The following ADI1 variants were observed in gnomAD, a reference collection of about 807,000 sequenced individuals.
ADI1 encodes acireductone dioxygenase 1.
In ADI1, 21 loss-of-function variants were observed where a neutral mutation model predicts 18.7. The ratio of observed to expected loss-of-function variants is 1.13; its 90% CI spans 0.80 to 1.62. The LOEUF (loss-of-function observed/expected upper bound fraction) is 1.62, where lower values mean the gene tolerates loss of function less well. ADI1 is among the 40% of genes most tolerant of loss of function. The probability of loss-of-function intolerance (pLI) is 0.00; values close to 1 mark genes in which losing one functional copy is unlikely to be tolerated. For synonymous variants in ADI1, 90 were observed against 100.1 expected, an observed-to-expected ratio of 0.90 and a Z score of 0.60; for missense variants, 245 against 254.9, an observed-to-expected ratio of 0.96 and a Z score of 0.26.
chr2:3,514,055 T>C, intron 1 of ADI1, 79 bp from the exon 2 acceptor site: 2 of 1,470,716 alleles, frequency 1.4e-6, no homozygotes, highest in East Asian at 2.3e-5. Context: ...GGATCTCCAA[T>C]ATGATTTTAT....
chr2:3,500,580 C>T (rs1265048720), intron 3 of ADI1: 6 of 617,048 alleles, frequency 9.7e-6, no homozygotes, highest in Non-Finnish European at 1.7e-5. Context: ...GTATGAAATG[C>T]ACACCTGTCC....
At chr2:3,518,852 G>C (rs1438375242) in intron 1 of ADI1, among the ~76,000 whole-genome samples, 1 of 152,206 alleles carries the variant, frequency 6.6e-6, no homozygotes, top group African/African-American at 2.4e-5. Context: ...AGCCCTGCCG[G>C]CCGACCCTTC....
At chr2:3,518,460 A>C (rs1572241618) in intron 1 of ADI1, among the ~76,000 whole-genome samples, 4 of 152,342 alleles carry the variant, frequency 2.6e-5, no homozygotes, top group Non-Finnish European at 5.9e-5. Flanking sequence ...ATTTGCAAAT[A>C]AACAAGGTGA....
At chr2:3,517,003 G>A in intron 1 of ADI1, 1 of 925,256 alleles carries the variant, frequency 1.1e-6, no homozygotes, top group Non-Finnish European at 1.3e-6. Flanking sequence ...TGGGATGACA[G>A]AAGCCACCAT....
rs1667367092 is a variant in ADI1 at position 3,514,930 on chromosome 2, C to A, written c.121-954G>T. 15 of 1,501,700 alleles carry A rather than the reference C, an allele frequency of 1.0e-5. No individual in the cohort carries two copies. In the South Asian group the frequency reaches 1.8e-4, roughly 18 times the overall value. The allele number at this position is 1,501,700 out of a possible 1,614,324, so 93.0% of individuals were successfully genotyped here. On this transcript the variant is annotated intron_variant, in intron 1 of 3. Transcript: ENST00000327435. ...GACATCTATCAGTTCTCAAATAATA[C>A]TTTTATAATTTATTATGCCTGTCTT...
At chr2:3,506,135 T>C (rs1048079357) in intron 2 of ADI1, among the ~76,000 whole-genome samples, 2 of 151,820 alleles carry the variant, frequency 1.3e-5, no homozygotes, top group Admixed American at 6.6e-5. Flanking sequence ...AAGGAGGGAG[T>C]CTGAGAAACG....
intron 2 of ADI1, 23 bp from the exon 3 acceptor site, chr2:3,501,016 G>A: frequency 6.4e-7 from 1 of 1,562,226 alleles, no homozygotes; most frequent in Non-Finnish European, 8.7e-7. Context: ...GAACATTCCT[G>A]TGAGTCTACC....
At chr2:3,500,616 G>C in intron 3 of ADI1, 198 bp downstream of exon 3, 2 of 705,090 alleles carry the variant, frequency 2.8e-6, no homozygotes, top group Non-Finnish European at 4.8e-6. Context: ...AGGGGCCACG[G>C]AGGCTGCCAC....
In ADI1 at chr2:3,513,882, T is replaced by C. The variant is rs995893112; in HGVS notation, c.215A>G (p.Asp72Gly). The C allele has an allele frequency of 6.8e-6, 11 of 1,605,852 alleles. No homozygotes were observed. Among genetic ancestry groups the C allele is most frequent in the Non-Finnish European group, 9.3e-6 (11 of 1,178,300 alleles). The change falls in exon 2 of 4, where the codon GAT (aspartate) becomes GGT (glycine). Residue 72 changes from aspartate (D) to glycine (G), a missense_variant. By Grantham distance (94) the Asp-to-Gly change is moderately conservative. Transcript: ENST00000327435. ...CTTTTCTTCATAATTTGGTAGTTTA[T>C]CTTTGCATATGGTTATGATGTCCAT... is the stretch of plus-strand genomic sequence containing the variant. ...SWMDIITICK[D>G]KLPNYEEKIK... is the part of the protein sequence containing the mutation.
chr2:3,509,523 A>G (rs929184282), intron 2 of ADI1, among the ~76,000 whole-genome samples: 2 of 152,228 alleles, frequency 1.3e-5, no homozygotes, highest in African/African-American at 4.8e-5. Flanking sequence ...AAAAAAATCT[A>G]GAAAAATCCT....
intron 3 of ADI1, among the ~76,000 whole-genome samples, chr2:3,499,345 C>G (rs1195488367): frequency 2.0e-5 from 3 of 151,138 alleles, no homozygotes; most frequent in African/African-American, 7.4e-5. Context: ...CACCTCCGTG[C>G]TCTCTATAGA....
intron 2 of ADI1, among the ~76,000 whole-genome samples, chr2:3,502,876 G>A (rs924890348): frequency 4.6e-5 from 7 of 152,302 alleles, no homozygotes; most frequent in Admixed American, 3.9e-4. Flanking sequence ...GTGCTGCCAT[G>A]CTGATGCTGT....
rs890001700 is a variant in ADI1, at chr2:3,498,242, G to C, written c.*721C>G. The stretch of plus-strand genomic sequence containing the variant: ...AATCCTATCTCGGAATTGTTGAGTA[G>C]AAAATTTATGTACTAATACTCCTGT... On this transcript the variant is annotated 3_prime_UTR_variant, in exon 4 of 4. Coordinates refer to ENST00000327435, the MANE Select transcript of ADI1 (RefSeq NM_018269.4). The C allele has an allele frequency of 6.6e-6, 1 of 152,100 alleles. No individual in the cohort carries two copies. The highest frequency in any genetic ancestry group is 1.5e-5 in the Non-Finnish European group (1 of 68,026). The allele number at this position is 152,100 out of a possible 1,614,324, so 9.4% of individuals were successfully genotyped here. A position where few individuals can be genotyped will look rare whatever the true frequency, so the allele number is the denominator to read the frequency against.
intron 1 of ADI1, among the ~76,000 whole-genome samples, chr2:3,518,988 CA>C (rs913421301): frequency 1.3e-4 from 19 of 151,414 alleles, no homozygotes; most frequent in Admixed American, 1.1e-3. Flanking sequence ...CGCCGACCCC[CA>C]CCAGCCCCGC....
intron 2 of ADI1, among the ~76,000 whole-genome samples, chr2:3,511,996 CAA>C (rs1667303825): frequency 6.6e-6 from 1 of 152,216 alleles, no homozygotes; most frequent in South Asian, 2.1e-4. Context: ...TTCTAAGCAC[CAA>C]AGTGTTCAAG....
Position 3,519,386 on chromosome 2 carries a change from G to T in ADI1, c.102C>A (p.Leu34=), listed in dbSNP as rs755521016. 166 of 1,428,514 alleles carry T rather than the reference G, an allele frequency of 1.2e-4. No individual in the cohort carries two copies. The Middle Eastern group carries it at 2.3e-3, about 20-fold the overall frequency. 88.5% of individuals were successfully genotyped at this position (1,428,514 alleles called of 1,614,324 possible). Residue 34 remains leucine, a synonymous_variant, in exon 1 of 4, where the codon CTC becomes CTA. Transcript: ENST00000327435. ...RPVGLEQLRR[L]GVLYWKLDAD... is the part of the protein sequence containing the mutation. ...CGCGTACCTTCCAGTAGAGCACCCC[G>T]AGCCGCCGCAGCTGCTCCAGGCCCA...
At chr2:3,510,227 A>G (rs1191361747) in intron 2 of ADI1, among the ~76,000 whole-genome samples, 1 of 151,936 alleles carries the variant, frequency 6.6e-6, no homozygotes, top group Non-Finnish European at 1.5e-5. Context: ...AAGTGGGAGG[A>G]CTGCTTAAGC....
chr2:3,511,826 G>A (rs1667300218), intron 2 of ADI1, among the ~76,000 whole-genome samples: 1 of 152,178 alleles, frequency 6.6e-6, no homozygotes. Flanking sequence ...TAAAGTCCAG[G>A]CTAATGAGGT....
intron 2 of ADI1, among the ~76,000 whole-genome samples, 157 bp from the exon 3 acceptor site, chr2:3,501,150 C>T (rs1298451432): frequency 6.6e-6 from 1 of 152,180 alleles, no homozygotes; most frequent in Non-Finnish European, 1.5e-5. Flanking sequence ...AATTATTTTC[C>T]TAACAGTACA....
Sources: gnomAD v4.1 joint callset for allele counts (sites outside exome capture counted in the v4.1 genomes callset) on GRCh38, gnomAD v4.1.1 for gene constraint, MANE v1.5 for transcripts, NCBI Gene and HGNC (gene_info 2026-07-23, HGNC 2026-07-21) for gene names.